The following NOP58 variants were observed in gnomAD, a reference collection of about 807,000 sequenced individuals.
NOP58 encodes the protein nucleolar protein 58.
NOP58 carries 44 observed loss-of-function variants against 71.2 expected under a neutral mutation model. The observed-to-expected ratio is 0.62, with a 90% confidence interval of 0.49 to 0.79. NOP58 has a LOEUF of 0.79. Among genes scored for constraint, NOP58 ranks in the 30% least tolerant of loss-of-function variants. The pLI is 0.00. For missense variants in NOP58, 538 were observed against 620.2 expected (o/e 0.87, Z 1.41); for synonymous variants, 228 against 200.3 (o/e 1.14, Z -1.17).
At chr2:202,293,991 G>C (rs1379903961) in intron 9 of NOP58, among the ~76,000 whole-genome samples, 1 of 152,016 alleles carries the variant, frequency 6.6e-6, no homozygotes, top group East Asian at 1.9e-4. Context: ...TAAACTTGTA[G>C]CAGTAAGCAA....
At position 202,265,828 on chromosome 2, in the gene NOP58, A is replaced by T. The variant is rs1341725453; in HGVS notation, c.-114A>T. ...TGATTCTTTGCGGGACGGCGAGCGC[A>T]TTTGTGCTTTGCCCGCCGCGGCCTA... On this transcript the variant is annotated 5_prime_UTR_variant, in exon 1 of 15. Coordinates refer to ENST00000264279, the MANE Select transcript of NOP58 (RefSeq NM_015934.5). The T allele has an allele frequency of 4.4e-6, 5 of 1,149,032 alleles. No individual in the cohort carries two copies. In the African/African-American group the frequency reaches 6.1e-5, roughly 14 times the overall value. 71.2% of individuals were successfully genotyped at this position (1,149,032 alleles called of 1,614,324 possible).
Position 202,268,688 on chromosome 2 carries a change from C to T in NOP58, c.45+2702C>T, listed in dbSNP as rs192771750. Among the ~76,000 whole-genome samples the T allele has an allele frequency of 1.1e-3, 171 of 149,106 alleles. 1 individual carries two copies. Among genetic ancestry groups the T allele is most frequent in the African/African-American group, 3.2e-3 (132 of 40,660 alleles). ...GTGCAATGGCGCGATCTTGGCTCAC[C>T]ACAACCTCTGCCTCCCAGGATCAAG... On this transcript the variant is annotated intron_variant, in intron 1 of 14. Coordinates refer to ENST00000264279, the MANE Select transcript of NOP58 (RefSeq NM_015934.5).
chr2:202,281,311 G>C (rs1001792581), intron 3 of NOP58, among the ~76,000 whole-genome samples: 103 of 151,802 alleles, frequency 6.8e-4, no homozygotes, highest in African/African-American at 2.3e-3. Flanking sequence ...ATTTTTAGTA[G>C]AGTGTTTCGT....
chr2:202,272,887 C>T (rs919982544), intron 1 of NOP58, among the ~76,000 whole-genome samples: 2 of 152,170 alleles, frequency 1.3e-5, no homozygotes, highest in Non-Finnish European at 2.9e-5. Context: ...GTAATCCCAA[C>T]ACTTTGGGAG....
intron 2 of NOP58, chr2:202,276,340 CAAA>C (rs140927221): frequency 6.4e-3 from 1,126 of 176,280 alleles, no homozygotes; most frequent in South Asian, 0.011. Flanking sequence ...ACCCTGTCTC[CAAA>C]AAAAAAAAAA....
intron 1 of NOP58, among the ~76,000 whole-genome samples, chr2:202,266,516 A>G (rs994927282): frequency 3.9e-4 from 60 of 151,940 alleles, no homozygotes; most frequent in African/African-American, 1.4e-3. Context: ...GGGTTTCACC[A>G]TGTTGGCCAG....
intron 5 of NOP58, among the ~76,000 whole-genome samples, chr2:202,285,535 G>A (rs1316570937): frequency 6.6e-6 from 1 of 151,442 alleles, no homozygotes; most frequent in East Asian, 1.9e-4. Context: ...TTGTAGAGAC[G>A]GGGTTTTGCC....
At chr2:202,267,620 C>T (rs1688439862) in intron 1 of NOP58, among the ~76,000 whole-genome samples, 1 of 152,102 alleles carries the variant, frequency 6.6e-6, no homozygotes, top group Non-Finnish European at 1.5e-5. Flanking sequence ...TTCTCTTAGC[C>T]AATGTGGTCT....
rs115182394 is a variant in NOP58 at position 202,303,464 on chromosome 2, G to A, written c.*28G>A. ...GAAAGGAATTACGATTATATCACCC[G>A]GACACACATCATGCTTAAGATTCAA... On this transcript the variant is annotated 3_prime_UTR_variant, in exon 15 of 15. Transcript: ENST00000264279. 915 of 1,595,030 alleles carry A rather than the reference G, an allele frequency of 5.7e-4. 3 individuals are homozygous for A. The African/African-American group carries it at 0.011, about 19-fold the overall frequency.
At position 202,290,469 on chromosome 2, in the gene NOP58, G is replaced by A. The variant is rs1688868034; in HGVS notation, c.634+12G>A. ...TTTACAGAAAGTTGGTGAGTAATTTGTTCATCCTTTAAGGCATTGAAAGTA... is the reference window on the plus strand; with the variant it reads ...TTTACAGAAAGTTGGTGAGTAATTTATTCATCCTTTAAGGCATTGAAAGTA... On this transcript the variant is annotated intron_variant, in intron 7 of 14. Transcript: ENST00000264279. 6.2e-7 allele frequency: 1 copy of A among 1,601,234 alleles called. No homozygotes were observed. The highest frequency in any genetic ancestry group is 8.5e-7 in the Non-Finnish European group (1 of 1,174,008).
At chr2:202,280,770 C>CTT (rs58033592) in intron 3 of NOP58, among the ~76,000 whole-genome samples, 5,178 of 131,132 alleles carry the variant, frequency 0.039, 422 homozygotes, top group African/African-American at 0.14. Flanking sequence ...ACTTGCAAGT[C>CTT]TTTTTTTTTT....
At position 202,279,533 on chromosome 2, in the gene NOP58, C is replaced by T. The variant is rs771549796; in HGVS notation, c.175+1531C>T. Among the ~76,000 whole-genome samples the T allele has an allele frequency of 4.6e-5, 7 of 152,298 alleles. No homozygotes were observed. The South Asian group carries it at 6.2e-4, about 14-fold the overall frequency. ...TACAATAAGGCTGGGTGCGGTGGCT[C>T]ATGCCAGGAATCCCAGCACTTTGGG... is the stretch of plus-strand genomic sequence containing the variant. On this transcript the variant is annotated intron_variant, in intron 3 of 14. Transcript: ENST00000264279.
chr2:202,288,769 C>T (rs796963362), intron 6 of NOP58, among the ~76,000 whole-genome samples: 1 of 151,692 alleles, frequency 6.6e-6, no homozygotes, highest in East Asian at 1.9e-4. Context: ...GGGCCGAGAT[C>T]GCACCATTTC....
chr2:202,292,984 A>G, intron 9 of NOP58, 81 bp downstream of exon 9: 1 of 1,478,586 alleles, frequency 6.8e-7, no homozygotes, highest in South Asian at 1.1e-5. Context: ...TTTAAACTAC[A>G]GCTGTTAAAG....
intron 8 of NOP58, among the ~76,000 whole-genome samples, chr2:202,291,806 C>CA (rs1161178890): frequency 0.4 from 16,902 of 41,784 alleles, 3,842 homozygotes; most frequent in East Asian, 0.54. Context: ...AACTCCATCT[C>CA]AAAAAAAAAA....
At chr2:202,294,498 A>G (rs890601872) in intron 9 of NOP58, among the ~76,000 whole-genome samples, 1 of 152,168 alleles carries the variant, frequency 6.6e-6, no homozygotes, top group African/African-American at 2.4e-5. Context: ...CCAGCTATTT[A>G]TGGAGATGTA....
intron 9 of NOP58, among the ~76,000 whole-genome samples, chr2:202,295,216 C>CACAA (rs1688971074): frequency 6.6e-6 from 1 of 152,190 alleles, no homozygotes; most frequent in Admixed American, 6.5e-5. Context: ...AGTGAAAGCA[C>CACAA]AGGTAGGGGA....
intron 1 of NOP58, among the ~76,000 whole-genome samples, chr2:202,268,039 A>G (rs1172856981): frequency 2.0e-5 from 3 of 152,212 alleles, no homozygotes; most frequent in East Asian, 1.9e-4. Flanking sequence ...AAGACATACA[A>G]ACGTTCTGGA....
intron 5 of NOP58, among the ~76,000 whole-genome samples, chr2:202,285,080 C>T (rs945625507): frequency 6.6e-6 from 1 of 151,974 alleles, no homozygotes; most frequent in African/African-American, 2.4e-5. Context: ...CTCACTCTGT[C>T]GCCCAGACTG....
Sources: allele counts gnomAD v4.1 joint callset (sites outside exome capture counted in the v4.1 genomes callset), GRCh38; gene constraint gnomAD v4.1.1; transcripts MANE v1.5; gene names NCBI Gene and HGNC (gene_info 2026-07-23, HGNC 2026-07-21).